TBC1D9B: variants seen among roughly 807,000 people sequenced by gnomAD.
The protein encoded by TBC1D9B is TBC1 domain family, member 9B (with GRAM domain).
In TBC1D9B, 87 loss-of-function variants were observed where a neutral mutation model predicts 121.1. The ratio of observed to expected loss-of-function variants is 0.72; its 90% CI spans 0.60 to 0.86. The LOEUF is 0.86. Ranked by LOEUF, TBC1D9B falls within the 40% of genes least tolerant of loss-of-function variation. TBC1D9B has a pLI of 0.00. For synonymous variants in TBC1D9B, 668 were observed against 670.1 expected (o/e 1.00, Z 0.05); for missense variants, 1,540 against 1,628.6 (o/e 0.95, Z 0.94).
Position 179,875,965 on chromosome 5 carries a change from G to A in TBC1D9B, c.1855C>T (p.Leu619=). ...EEEAFWLLVA[L]CERMLPDYYN... The stretch of plus-strand genomic sequence containing the variant: ...TAGTCGGGCAGCATGCGCTCGCACA[G>A]GGCCACCAGGAGCCAGAAGGCCTCC... Residue 619 remains leucine, a synonymous_variant, in exon 11 of 21, where the codon CTG becomes TTG. Transcript: ENST00000355235. This position sits in a 1 kb window ranked among gnomAD's most constrained non-coding sequence, Gnocchi z 4.5. The A allele has an allele frequency of 1.2e-6, 2 of 1,611,882 alleles. No individual in the cohort carries two copies. The highest frequency in any genetic ancestry group is 1.7e-6 in the Non-Finnish European group (2 of 1,179,332).
Position 179,888,106 on chromosome 5 carries a change from T to C in TBC1D9B, c.1251A>G (p.Thr417=). The C allele has an allele frequency of 1.2e-6, 2 of 1,613,572 alleles. No homozygotes were observed. The highest frequency in any genetic ancestry group is 1.7e-6 in the Non-Finnish European group (2 of 1,179,944). ...CTGCTCCCAAGGGGCTTCTCACCTC[T>C]GTGCTAGGGTCCACAACACTGGCTT... ...SRKASVVDPS[T]ESSPAPQEGS... The change falls in exon 7 of 21, where the codon ACA becomes ACG. Residue 417 remains threonine, a synonymous_variant. Transcript: ENST00000355235.
intron 10 of TBC1D9B, 36 bp from the exon 11 acceptor site, chr5:179,876,073 C>T: frequency 6.3e-7 from 1 of 1,577,478 alleles, no homozygotes; most frequent in East Asian, 2.3e-5. Flanking sequence ...AAGGCTTGCA[C>T]TGCTGGCCAG....
chr5:179,870,514 T>C lies in TBC1D9B; in HGVS notation c.2485-19A>G. ...GCTTGGCCTGTGGGACACGGTCTGG[T>C]GAGACGGTCCAGCCGCTAAGCCTGT... On this transcript the variant is annotated intron_variant, in intron 15 of 20. Coordinates refer to ENST00000355235, the MANE Select transcript of TBC1D9B (RefSeq NM_015043.4). 6.3e-7 allele frequency: 1 copy of C among 1,595,182 alleles called. No individual in the cohort carries two copies. Among genetic ancestry groups the C allele is most frequent in the Non-Finnish European group, 8.5e-7 (1 of 1,174,312 alleles).
Position 179,862,941 on chromosome 5 carries a change from C to T in TBC1D9B, c.*507G>A, listed in dbSNP as rs1268656911. The T allele has an allele frequency of 3.9e-6, 1 of 253,364 alleles. No homozygotes were observed. Among genetic ancestry groups the T allele is most frequent in the Non-Finnish European group, 8.1e-6 (1 of 122,864 alleles). 15.7% of individuals were successfully genotyped at this position (253,364 alleles called of 1,614,324 possible). On this transcript the variant is annotated 3_prime_UTR_variant, in exon 21 of 21. Transcript: ENST00000355235. ...ATAAACATGTTCTGCCCATGTTCCTCAGTCAGGAGGTTCAGGCTCCCGGAG... is the reference window on the plus strand; with the variant it reads ...ATAAACATGTTCTGCCCATGTTCCTTAGTCAGGAGGTTCAGGCTCCCGGAG...
At chr5:179,867,265 C>T (rs1561632408) in intron 18 of TBC1D9B, 4 of 672,906 alleles carry the variant, frequency 5.9e-6, no homozygotes, top group Non-Finnish European at 9.8e-6. Context: ...TTACCGCCCA[C>T]CTACAGCAGA....
At chr5:179,895,308 C>T (rs1582101009) in intron 3 of TBC1D9B, among the ~76,000 whole-genome samples, 1 of 152,224 alleles carries the variant, frequency 6.6e-6, no homozygotes, top group Non-Finnish European at 1.5e-5. Context: ...TTTCCTGGTT[C>T]CTTCCAGACA....
chr5:179,875,847 G>T lies in TBC1D9B; in HGVS notation c.1900+73C>A. ...CACGTGAAGCCTGGAGCTTGGCCTGGGAAGGGCTGCCACCCTCATGGAACC... is the reference window on the plus strand; with the variant it reads ...CACGTGAAGCCTGGAGCTTGGCCTGTGAAGGGCTGCCACCCTCATGGAACC... On this transcript the variant is annotated intron_variant, in intron 11 of 20. Coordinates refer to ENST00000355235, the MANE Select transcript of TBC1D9B (RefSeq NM_015043.4). This position sits in a 1 kb window ranked among gnomAD's most constrained non-coding sequence, Gnocchi z 4.5. The T allele has an allele frequency of 1.6e-6, 2 of 1,269,770 alleles. No individual in the cohort carries two copies. The highest frequency in any genetic ancestry group is 2.1e-6 in the Non-Finnish European group (2 of 931,076). 78.7% of individuals were successfully genotyped at this position (1,269,770 alleles called of 1,614,324 possible).
chr5:179,871,562 G>T (rs1485717019), intron 14 of TBC1D9B, 32 bp from the exon 15 acceptor site: 4 of 1,604,870 alleles, frequency 2.5e-6, no homozygotes, highest in East Asian at 2.2e-5. Flanking sequence ...GTATATAGCT[G>T]GATCACAAGC....
At chr5:179,864,236 G>A (rs915037469) in intron 20 of TBC1D9B, 108 bp from the exon 21 acceptor site, 27 of 1,145,018 alleles carry the variant, frequency 2.4e-5, no homozygotes, top group African/African-American at 1.2e-4. Context: ...GTTGGCTGCC[G>A]TCTTGCTAAT....
intron 18 of TBC1D9B, chr5:179,866,136 C>G (rs909122743): frequency 2.0e-5 from 10 of 495,254 alleles, no homozygotes; most frequent in African/African-American, 1.8e-4. Flanking sequence ...ACCCTCAATT[C>G]CTTTTTTCAA....
At chr5:179,871,656 C>G (rs1760203021) in intron 14 of TBC1D9B, 126 bp from the exon 15 acceptor site, 4 of 973,506 alleles carry the variant, frequency 4.1e-6, no homozygotes, top group Non-Finnish European at 4.7e-6. Flanking sequence ...AGTGGCCCAG[C>G]ACTCAAGGGC....
At position 179,873,185 on chromosome 5, in the gene TBC1D9B, C is replaced by G. The variant is rs747238452; in HGVS notation, c.2250G>C (p.Leu750Phe). ...VSPPIPHLRA[L>F]LSSSDDPPAE... is the part of the protein sequence containing the mutation. Reference sequence around the variant, plus strand: ...CAGGGGGGTCATCGCTGCTGCTCAGCAAGGCACGGAGGTGCGGGATAGGAG... The same window carrying G: ...CAGGGGGGTCATCGCTGCTGCTCAGGAAGGCACGGAGGTGCGGGATAGGAG... The change falls in exon 13 of 21, where the codon TTG becomes TTC. Residue 750 changes from leucine to phenylalanine, a missense_variant. Transcript: ENST00000355235. 1.2e-6 allele frequency: 2 copies of G among 1,613,386 alleles called. No individual in the cohort carries two copies. The highest frequency in any genetic ancestry group is 1.7e-6 in the Non-Finnish European group (2 of 1,179,756).
rs1050473226 is a variant in TBC1D9B, at chr5:179,888,009, G to A, written c.1254+94C>T. ...ACCCCTAGGCGGAGGCCCACAGCCG[G>A]AACCATGGGGTCAGGCTCCAGCGGG... On this transcript the variant is annotated intron_variant, in intron 7 of 20. Transcript: ENST00000355235. The A allele has an allele frequency of 1.8e-5, 28 of 1,516,392 alleles. No individual in the cohort carries two copies. In the African/African-American group the frequency reaches 3.6e-4, roughly 19 times the overall value. 93.9% of individuals were successfully genotyped at this position (1,516,392 alleles called of 1,614,324 possible). A position where few individuals can be genotyped will look rare whatever the true frequency, so the allele number is the denominator to read the frequency against.
At position 179,904,242 on chromosome 5, in the gene TBC1D9B, T is replaced by TTTTTG. The variant is rs1761242723; in HGVS notation, c.229+459_229+460insCAAAA. Among the ~76,000 whole-genome samples, 1 of 147,974 alleles carries TTTTTG rather than the reference T, an allele frequency of 6.8e-6. No individual in the cohort carries two copies. The highest frequency in any genetic ancestry group is 2.5e-5 in the African/African-American group (1 of 39,848). On this transcript the variant is annotated intron_variant, in intron 2 of 20. Coordinates refer to ENST00000355235, the MANE Select transcript of TBC1D9B (RefSeq NM_015043.4). This position sits in a 1 kb window ranked among gnomAD's most constrained non-coding sequence, Gnocchi z 4.2. The stretch of plus-strand genomic sequence containing the variant: ...TGCCTTTTTTTTTTTTTTTTTTTTT[T>TTTTTG]GAGACGGAATCTCGCTGTGTCGCCC...
Position 179,864,160 on chromosome 5 carries a change from A to C in TBC1D9B, c.3022-32T>G, listed in dbSNP as rs200664880. 133 of 1,561,398 alleles carry C rather than the reference A, an allele frequency of 8.5e-5. No individual in the cohort carries two copies. In the East Asian group the frequency reaches 3.0e-3, roughly 35 times the overall value. On this transcript the variant is annotated intron_variant, in intron 20 of 20. Coordinates refer to ENST00000355235, the MANE Select transcript of TBC1D9B (RefSeq NM_015043.4). ...GGGAGAAAAACAGAAGAACAGGGAGATGGTAAAAGACCAGTCAGACGGGGT... is the reference window on the plus strand; with the variant it reads ...GGGAGAAAAACAGAAGAACAGGGAGCTGGTAAAAGACCAGTCAGACGGGGT...
At chr5:179,881,830 C>G (rs946720487) in intron 7 of TBC1D9B, among the ~76,000 whole-genome samples, 7 of 152,134 alleles carry the variant, frequency 4.6e-5, no homozygotes, top group African/African-American at 1.7e-4. Context: ...AGCTAGCAGG[C>G]CTTTTCTTCC....
intron 10 of TBC1D9B, 90 bp from the exon 11 acceptor site, chr5:179,876,127 T>A: frequency 1.1e-6 from 1 of 940,606 alleles, no homozygotes; most frequent in Non-Finnish European, 1.6e-6. Flanking sequence ...CACCCCTCCC[T>A]GCAAGGGCCC....
chr5:179,907,660 C>T lies in TBC1D9B; in HGVS notation c.118+44G>A. On this transcript the variant is annotated intron_variant, in intron 1 of 20. Transcript: ENST00000355235. This position sits in a 1 kb window ranked among gnomAD's most constrained non-coding sequence, Gnocchi z 5.3. ...GCCCGCCGCCAGCCCCGCCGCCAGC[C>T]CAGCCGCGGCGCCCACAGGCCCGGC... 1 of 955,828 alleles carries T rather than the reference C, an allele frequency of 1.0e-6. No homozygotes were observed. The highest frequency in any genetic ancestry group is 1.2e-6 in the Non-Finnish European group (1 of 804,368). The allele number at this position is 955,828 out of a possible 1,614,324, so 59.2% of individuals were successfully genotyped here.
chr5:179,888,013 C>T (rs1163169335), intron 7 of TBC1D9B, 90 bp downstream of exon 7: 3 of 1,533,452 alleles, frequency 2.0e-6, no homozygotes, highest in African/African-American at 2.7e-5. Flanking sequence ...CAGCCGGAAC[C>T]ATGGGGTCAG....
Sources: gnomAD v4.1 joint callset for allele counts (sites outside exome capture counted in the v4.1 genomes callset) on GRCh38, gnomAD v4.1.1 for gene constraint, Gnocchi (gnomAD v3.1) non-coding constraint, MANE v1.5 for transcripts, NCBI Gene and HGNC (gene_info 2026-07-23, HGNC 2026-07-21) for gene names.